The following COL17A1 variants were observed in gnomAD, a reference collection of about 807,000 sequenced individuals.
The protein encoded by COL17A1 is collagen alpha-1(XVII) chain.
In COL17A1, 181 loss-of-function variants were observed where a neutral mutation model predicts 218.4. The ratio of observed to expected loss-of-function variants is 0.83; its 90% CI spans 0.73 to 0.94. COL17A1 has a LOEUF of 0.94. Ranked by LOEUF, COL17A1 falls within the 40% of genes least tolerant of loss-of-function variation. COL17A1 has a pLI of 0.00. For missense variants in COL17A1, 1,924 were observed against 1,945.9 expected, an observed-to-expected ratio of 0.99 and a Z score of 0.21; for synonymous variants, 721 against 731.0, an observed-to-expected ratio of 0.99 and a Z score of 0.22.
At chr10:104,042,299 G>A in intron 36 of COL17A1, 121 bp downstream of exon 36, 1 of 1,057,580 alleles carries the variant, frequency 9.5e-7, no homozygotes, top group Non-Finnish European at 1.4e-6. Flanking sequence ...CCCTGGCCCT[G>A]TCCTCCTTTT....
intron 9 of COL17A1, among the ~76,000 whole-genome samples, chr10:104,064,831 G>A (rs1193214237): frequency 1.3e-5 from 2 of 152,292 alleles, no homozygotes; most frequent in Middle Eastern, 3.4e-3. Context: ...ATCTGAGGTA[G>A]CCAAATTTTG....
Position 104,059,572 on chromosome 10 carries a change from G to A in COL17A1, c.1222+66C>T, listed in dbSNP as rs778347399. 43 of 1,461,668 alleles carry A rather than the reference G, an allele frequency of 2.9e-5. No individual in the cohort carries two copies. The East Asian group carries it at 5.9e-4, about 20-fold the overall frequency. The allele number at this position is 1,461,668 out of a possible 1,614,324, so 90.5% of individuals were successfully genotyped here. ...CCACACTTTGAGTAGCAAGGTCTCC[G>A]AAGACAATGAAATGAAATGTGGCCT... On this transcript the variant is annotated intron_variant, in intron 15 of 55. Coordinates refer to ENST00000648076, the MANE Select transcript of COL17A1 (RefSeq NM_000494.4).
chr10:104,039,474 G>C lies in COL17A1; in HGVS notation c.2867C>G (p.Pro956Arg). Residue 956 changes from proline (P) to arginine (R), a missense_variant, in exon 43 of 56, where the codon CCT becomes CGT. Physicochemically the swap from Pro to Arg is moderately radical, Grantham distance 103. Transcript: ENST00000648076. Reference sequence around the variant, plus strand: ...GTCACCTTTGGGTCCCTGGGGGCCAGGTGGGCCTGGTGGTCCCTGAAGGTT... The same window carrying C: ...GTCACCTTTGGGTCCCTGGGGGCCACGTGGGCCTGGTGGTCCCTGAAGGTT... ...GLNLQGPPGP[P>R]GPQGPKGDKG... is the part of the protein sequence containing the mutation. The C allele has an allele frequency of 6.2e-7, 1 of 1,614,100 alleles. No individual in the cohort carries two copies. Among genetic ancestry groups the C allele is most frequent in the South Asian group, 1.1e-5 (1 of 91,082 alleles).
At chr10:104,051,571 T>A in intron 24 of COL17A1, 55 bp from the exon 25 acceptor site, 4 of 1,609,128 alleles carry the variant, frequency 2.5e-6, no homozygotes. Flanking sequence ...GGTGGGGACA[T>A]CTGGCCCCGG....
intron 8 of COL17A1, among the ~76,000 whole-genome samples, chr10:104,071,039 T>C (rs756612720): frequency 1.3e-5 from 2 of 152,244 alleles, no homozygotes; most frequent in Non-Finnish European, 2.9e-5. Flanking sequence ...AATATTATGC[T>C]GTGTTCACGT....
At position 104,060,010 on chromosome 10, in the gene COL17A1, G is replaced by C. The variant is rs7081944; in HGVS notation, c.1141+109C>G. The C allele has an allele frequency of 4.6e-4, 697 of 1,528,650 alleles. 1 individual carries two copies. In the African/African-American group the frequency reaches 8.5e-3, roughly 19 times the overall value. The allele number at this position is 1,528,650 out of a possible 1,614,324, so 94.7% of individuals were successfully genotyped here. A position where few individuals can be genotyped will look rare whatever the true frequency, so the allele number is the denominator to read the frequency against. Reference sequence around the variant, plus strand: ...CAGGTGCTTTTCATTAGAATGGGATGGCTATGGTTTCATGACTCATAGGGT... The same window carrying C: ...CAGGTGCTTTTCATTAGAATGGGATCGCTATGGTTTCATGACTCATAGGGT... On this transcript the variant is annotated intron_variant, in intron 14 of 55. Transcript: ENST00000648076.
intron 44 of COL17A1, 59 bp from the exon 45 acceptor site, chr10:104,038,587 G>T (rs2086326728): frequency 6.3e-7 from 1 of 1,598,764 alleles, no homozygotes; most frequent in Non-Finnish European, 8.5e-7. Flanking sequence ...AGACAAACGG[G>T]CCCAGGAATA....
intron 6 of COL17A1, 173 bp downstream of exon 6, chr10:104,074,011 C>G: frequency 1.0e-6 from 1 of 952,982 alleles, no homozygotes; most frequent in Non-Finnish European, 1.6e-6. Context: ...TGATAGTCCC[C>G]TTAATATGCT....
chr10:104,038,837 A>T (rs2086329113), intron 44 of COL17A1, among the ~76,000 whole-genome samples: 1 of 152,096 alleles, frequency 6.6e-6, no homozygotes, highest in Non-Finnish European at 1.5e-5. Context: ...TCTGTTCTCC[A>T]TCATGCGGTG....
Position 104,072,047 on chromosome 10 carries a change from A to G in COL17A1, c.448T>C (p.Ser150Pro). ...GACCACTTACATCGGGTGGATGGGG[A>G]CGCACTCTGCAGTCGAACTCGAATT... ...SEIRVRLQSASPSTRWTELDD... is the reference protein window; with the variant it reads ...SEIRVRLQSAPPSTRWTELDD... The change falls in exon 8 of 56, where the codon TCC (serine) becomes CCC (proline). Residue 150 changes from serine to proline, a missense_variant. Physicochemically the swap from Ser to Pro is moderately conservative, Grantham distance 74 (BLOSUM62 -1). Transcript: ENST00000648076. 2 of 1,614,032 alleles carry G rather than the reference A, an allele frequency of 1.2e-6. No individual in the cohort carries two copies. The highest frequency in any genetic ancestry group is 1.7e-6 in the Non-Finnish European group (2 of 1,180,012).
At chr10:104,062,121 G>C in intron 12 of COL17A1, 137 bp downstream of exon 12, 1 of 1,299,494 alleles carries the variant, frequency 7.7e-7, no homozygotes, top group Non-Finnish European at 1.1e-6. Context: ...GATCAAGATT[G>C]ATATCTTGAG....
chr10:104,038,647 A>C lies in COL17A1; in HGVS notation c.2948-119T>G. On this transcript the variant is annotated intron_variant, in intron 44 of 55. Transcript: ENST00000648076. ...GTCTTCTCAGGAGGAGAAATAGGAT[A>C]GTGGCAAGGAGAAGGGTCCCCGAGA... The C allele has an allele frequency of 3.1e-6, 4 of 1,281,924 alleles. No individual in the cohort carries two copies. In the South Asian group the frequency reaches 4.9e-5, roughly 16 times the overall value. The allele number at this position is 1,281,924 out of a possible 1,614,324, so 79.4% of individuals were successfully genotyped here. A position where few individuals can be genotyped will look rare whatever the true frequency, so the allele number is the denominator to read the frequency against.
intron 48 of COL17A1, 65 bp downstream of exon 48, chr10:104,036,427 A>G (rs1384421536): frequency 6.2e-7 from 1 of 1,607,772 alleles, no homozygotes; most frequent in Non-Finnish European, 8.5e-7. Flanking sequence ...AGGGAAGTTC[A>G]CGCTGCGAGT....
chr10:104,043,853 T>C lies in COL17A1; in HGVS notation c.2406A>G (p.Pro802=). 3 of 1,614,180 alleles carry C rather than the reference T, an allele frequency of 1.9e-6. No individual in the cohort carries two copies. The highest frequency in any genetic ancestry group is 1.7e-6 in the Non-Finnish European group (2 of 1,180,018). Residue 802 remains proline (P), a synonymous_variant, in exon 34 of 56, where the codon CCA becomes CCG. Transcript: ENST00000648076. The part of the protein sequence containing the change: ...TPGRPGIKGE[P]GAPGKIVTSE... ...AAGTCACGATCTTGCCTGGAGCTCC[T>C]GGTTCACCTAGGAAGAGAGGAAAAG...
chr10:104,067,334 TAAAA>T (rs58260510), intron 9 of COL17A1, among the ~76,000 whole-genome samples: 13,575 of 110,270 alleles, frequency 0.12, 499 homozygotes, highest in South Asian at 0.2. Context: ...GGCTCAGGAA[TAAAA>T]AAAAAAAAAA....
At chr10:104,055,540 T>C in intron 18 of COL17A1, 139 bp from the exon 19 acceptor site, 1 of 1,405,668 alleles carries the variant, frequency 7.1e-7, no homozygotes. Context: ...GATCAGATTC[T>C]AAATTTGGCT....
intron 1 of COL17A1, among the ~76,000 whole-genome samples, chr10:104,084,997 A>C (rs1473058879): frequency 6.6e-6 from 1 of 152,252 alleles, no homozygotes. Context: ...TCATCCACTT[A>C]GGTATCTAAA....
intron 20 of COL17A1, among the ~76,000 whole-genome samples, chr10:104,054,665 C>T (rs375200181): frequency 6.6e-5 from 10 of 152,082 alleles, no homozygotes; most frequent in South Asian, 2.1e-4. Flanking sequence ...GCAGAATCAC[C>T]GTGGATGACT....
intron 1 of COL17A1, among the ~76,000 whole-genome samples, chr10:104,081,275 C>T (rs75671546): frequency 0.016 from 2,476 of 152,314 alleles, 69 homozygotes; most frequent in African/African-American, 0.057. Context: ...AATCGGCTCT[C>T]ATGTGCTTAT....
Sources: gnomAD v4.1 joint callset for allele counts (sites outside exome capture counted in the v4.1 genomes callset) on GRCh38, gnomAD v4.1.1 for gene constraint, MANE v1.5 for transcripts, NCBI Gene and HGNC (gene_info 2026-07-23, HGNC 2026-07-21) for gene names.